MAS1: variants seen among roughly 807,000 people sequenced by gnomAD.
The protein encoded by MAS1 is proto-oncogene Mas.
For synonymous variants in MAS1, 163 were observed against 164.2 expected (o/e 0.99, Z 0.05); for missense variants, 387 against 409.7 (o/e 0.94, Z 0.48).
intron 2 of MAS1, among the ~76,000 whole-genome samples, chr6:159,905,209 A>G (rs1271136405): frequency 1.3e-5 from 2 of 152,244 alleles, no homozygotes; most frequent in African/African-American, 4.8e-5. Context: ...TGCCTAGCAC[A>G]GTGCCTGGCA....
Position 159,913,656 on chromosome 6 carries a change from A to G in MAS1, c.*5723A>G, listed in dbSNP as rs910518615. Reference sequence around the variant, plus strand: ...GGTTTGGGTTTCTTACAACATGGTGATTGTGTTCTGGAAGGAAGTCTCCTG... The same window carrying G: ...GGTTTGGGTTTCTTACAACATGGTGGTTGTGTTCTGGAAGGAAGTCTCCTG... On this transcript the variant is annotated 3_prime_UTR_variant, in exon 3 of 3. Coordinates refer to ENST00000674077, the MANE Select transcript of MAS1 (RefSeq NM_002377.4). 1.3e-5 allele frequency: 2 copies of G among 152,154 alleles called. No individual in the cohort carries two copies. Among genetic ancestry groups the G allele is most frequent in the Non-Finnish European group, 2.9e-5 (2 of 68,036 alleles). 9.4% of individuals were successfully genotyped at this position (152,154 alleles called of 1,614,324 possible). A position where few individuals can be genotyped will look rare whatever the true frequency, so the allele number is the denominator to read the frequency against.
At chr6:159,892,554 G>A (rs1192241259) in intron 1 of MAS1, among the ~76,000 whole-genome samples, 1 of 152,188 alleles carries the variant, frequency 6.6e-6, no homozygotes, top group African/African-American at 2.4e-5. Flanking sequence ...TGGGAATGTG[G>A]AAGGGGTTGT....
chr6:159,894,245 C>T (rs367664547), intron 1 of MAS1, among the ~76,000 whole-genome samples: 36 of 151,978 alleles, frequency 2.4e-4, no homozygotes, highest in African/African-American at 7.0e-4. Flanking sequence ...GGCAAAACTC[C>T]GTTTCTACTA....
Position 159,908,985 on chromosome 6 carries a change from T to G in MAS1, c.*1052T>G, listed in dbSNP as rs532681083. 6.6e-6 allele frequency: 1 copy of G among 151,926 alleles called. No individual in the cohort carries two copies. Among genetic ancestry groups the G allele is most frequent in the African/African-American group, 2.4e-5 (1 of 41,410 alleles). 9.4% of individuals were successfully genotyped at this position (151,926 alleles called of 1,614,324 possible). ...CTCCTCTCCTCCTGAGGCTTTTTTT[T>G]TTTTTTTCATCACACCTGGAAGGAG... is the stretch of plus-strand genomic sequence containing the variant. On this transcript the variant is annotated 3_prime_UTR_variant, in exon 3 of 3. Coordinates refer to ENST00000674077, the MANE Select transcript of MAS1 (RefSeq NM_002377.4).
rs765483299 is a variant in MAS1 at position 159,907,985 on chromosome 6, G to C, written c.*52G>C. 6.5e-7 allele frequency: 1 copy of C among 1,529,074 alleles called. No homozygotes were observed. The highest frequency in any genetic ancestry group is 2.3e-5 in the East Asian group (1 of 44,086). 94.7% of individuals were successfully genotyped at this position (1,529,074 alleles called of 1,614,324 possible). ...AATGGTGGAACACAGGTCATTTTTA[G>C]TTTGTGCTTGGAATATGACTTAAGT... On this transcript the variant is annotated 3_prime_UTR_variant, in exon 3 of 3. Transcript: ENST00000674077.
chr6:159,905,123 T>G (rs1782869601), intron 2 of MAS1, among the ~76,000 whole-genome samples: 1 of 152,202 alleles, frequency 6.6e-6, no homozygotes, highest in African/African-American at 2.4e-5. Flanking sequence ...GTTATTGTAT[T>G]TTGCTTGACT....
At chr6:159,894,418 C>CAAAAAAAAAAAAAAAAA (rs5881344) in intron 1 of MAS1, among the ~76,000 whole-genome samples, 1 of 79,134 alleles carries the variant, frequency 1.3e-5, no homozygotes, top group African/African-American at 4.8e-5. Flanking sequence ...GACCCTGTCT[C>CAAAAAAAAAAAAAAAAA]AAAAAAAAAA....
At chr6:159,896,145 C>A (rs1782751750) in intron 1 of MAS1, among the ~76,000 whole-genome samples, 1 of 136,916 alleles carries the variant, frequency 7.3e-6, no homozygotes, top group Non-Finnish European at 1.7e-5. Flanking sequence ...CCTGTCTCTA[C>A]AAAAAATACA....
rs1782898125 is a variant in MAS1, at chr6:159,907,111, T to C, written c.156T>C (p.Ile52=). ...ISPVGFVENG[I]LLWFLCFRMR... ...CAGTGGGGTTTGTTGAGAATGGGAT[T>C]CTCCTCTGGTTCCTGTGCTTCCGGA... The change falls in exon 3 of 3, where the codon ATT becomes ATC. Residue 52 remains isoleucine (I), a synonymous_variant. Coordinates refer to ENST00000674077, the MANE Select transcript of MAS1 (RefSeq NM_002377.4). 6.2e-7 allele frequency: 1 copy of C among 1,614,188 alleles called. No homozygotes were observed. The highest frequency in any genetic ancestry group is 8.5e-7 in the Non-Finnish European group (1 of 1,180,018).
rs552945294 is a variant in MAS1, at chr6:159,902,752, A to G, written c.-37+3360A>G. Among the ~76,000 whole-genome samples the G allele has an allele frequency of 1.3e-4, 20 of 152,186 alleles. 1 individual carries two copies. In the East Asian group the frequency reaches 2.5e-3, roughly 19 times the overall value. On this transcript the variant is annotated intron_variant, in intron 2 of 2. Transcript: ENST00000674077. ...GGAGCAACAAAACACCAGTCTCTGAAGTGCGTGCCGGCCACTGTATCGCCT... is the reference window on the plus strand; with the variant it reads ...GGAGCAACAAAACACCAGTCTCTGAGGTGCGTGCCGGCCACTGTATCGCCT...
rs1426806339 is a variant in MAS1, at chr6:159,913,935, G to A, written c.*6002G>A. On this transcript the variant is annotated 3_prime_UTR_variant, in exon 3 of 3. Transcript: ENST00000674077. ...ATCCTCTTACACTAATTATTTAAATGTGTACATATACATGTTAATACAAAG... is the reference window on the plus strand; with the variant it reads ...ATCCTCTTACACTAATTATTTAAATATGTACATATACATGTTAATACAAAG... 1 of 152,188 alleles carries A rather than the reference G, an allele frequency of 6.6e-6. No individual in the cohort carries two copies. Among genetic ancestry groups the A allele is most frequent in the Non-Finnish European group, 1.5e-5 (1 of 68,032 alleles). 9.4% of individuals were successfully genotyped at this position (152,188 alleles called of 1,614,324 possible).
chr6:159,902,561 G>T (rs1782834600), intron 2 of MAS1: 1 of 152,156 alleles, frequency 6.6e-6, no homozygotes, highest in African/African-American at 2.4e-5. Flanking sequence ...GGATTTTGCT[G>T]GTTTCTTTTT....
In MAS1 at chr6:159,914,016, C is replaced by G. The variant is rs1371339559; in HGVS notation, c.*6083C>G. ...CTTACAGATCTTACCCAACATGAAA[C>G]TAATGATTCAAATGATAAGAGGCAA... is the stretch of plus-strand genomic sequence containing the variant. On this transcript the variant is annotated 3_prime_UTR_variant, in exon 3 of 3. Coordinates refer to ENST00000674077, the MANE Select transcript of MAS1 (RefSeq NM_002377.4). 4 of 152,202 alleles carry G rather than the reference C, an allele frequency of 2.6e-5. No individual in the cohort carries two copies. Among genetic ancestry groups the G allele is most frequent in the African/African-American group, 7.2e-5 (3 of 41,452 alleles). The allele number at this position is 152,202 out of a possible 1,614,324, so 9.4% of individuals were successfully genotyped here. A position where few individuals can be genotyped will look rare whatever the true frequency, so the allele number is the denominator to read the frequency against.
At chr6:159,902,698 C>T (rs1455226804) in intron 2 of MAS1, among the ~76,000 whole-genome samples, 8 of 152,056 alleles carry the variant, frequency 5.3e-5, no homozygotes, top group Non-Finnish European at 7.4e-5. Flanking sequence ...TCTTCCCTCT[C>T]TCCTCTCTCT....
intron 2 of MAS1, among the ~76,000 whole-genome samples, chr6:159,905,922 G>A (rs1323011116): frequency 6.6e-6 from 1 of 152,004 alleles, no homozygotes; most frequent in Non-Finnish European, 1.5e-5. Context: ...CGCGCCTGTA[G>A]TCCCAGCTAC....
chr6:159,898,518 T>C (rs1782780357), intron 1 of MAS1, among the ~76,000 whole-genome samples: 1 of 137,768 alleles, frequency 7.3e-6, no homozygotes. Context: ...CTCCTCCTCC[T>C]CCTTCTTCCT....
At chr6:159,901,606 T>G (rs937084707) in intron 2 of MAS1, among the ~76,000 whole-genome samples, 2 of 152,156 alleles carry the variant, frequency 1.3e-5, no homozygotes, top group Non-Finnish European at 2.9e-5. Flanking sequence ...CTAAACTTTT[T>G]TTTTAATTAA....
At chr6:159,894,191 G>T (rs565898278) in intron 1 of MAS1, among the ~76,000 whole-genome samples, 1 of 152,124 alleles carries the variant, frequency 6.6e-6, no homozygotes, top group East Asian at 1.9e-4. Flanking sequence ...TGTGGAGTAG[G>T]AAGGGAAGAG....
intron 1 of MAS1, among the ~76,000 whole-genome samples, 125 bp downstream of exon 1, chr6:159,891,258 T>C (rs974489512): frequency 2.0e-5 from 3 of 152,222 alleles, no homozygotes; most frequent in African/African-American, 7.2e-5. Flanking sequence ...CTTTTATTTT[T>C]TTCGGTGTGT....
Sources: gnomAD v4.1 joint callset for allele counts (sites outside exome capture counted in the v4.1 genomes callset) on GRCh38, gnomAD v4.1.1 for gene constraint, MANE v1.5 for transcripts, NCBI Gene and HGNC (gene_info 2026-07-23, HGNC 2026-07-21) for gene names.